SLC24A3: variants seen among roughly 807,000 people sequenced by gnomAD.
The protein encoded by SLC24A3 is sodium/potassium/calcium exchanger 3.
In SLC24A3, 28 loss-of-function variants were observed where a neutral mutation model predicts 75.8. That is an observed-to-expected ratio of 0.37 (90% CI 0.27 to 0.51). The LOEUF is 0.51. SLC24A3 is among the 20% of genes least tolerant of loss of function. SLC24A3 has a pLI of 0.94. For missense variants in SLC24A3, 663 were observed against 847.8 expected, an observed-to-expected ratio of 0.78 and a Z score of 2.71; for synonymous variants, 372 against 334.1, an observed-to-expected ratio of 1.11 and a Z score of -1.24.
At chr20:19,659,267 C>T (rs1310380203) in intron 7 of SLC24A3, among the ~76,000 whole-genome samples, 1 of 152,218 alleles carries the variant, frequency 6.6e-6, no homozygotes, top group Non-Finnish European at 1.5e-5. Context: ...GGTTCCTTTA[C>T]ACCAACACGT....
At chr20:19,387,614 A>T (rs920676465) in intron 2 of SLC24A3, among the ~76,000 whole-genome samples, 1 of 152,136 alleles carries the variant, frequency 6.6e-6, no homozygotes, top group Non-Finnish European at 1.5e-5. Context: ...TTAATTCCAC[A>T]TATTTGTGAA....
chr20:19,415,203 G>A (rs989913170), intron 2 of SLC24A3, among the ~76,000 whole-genome samples: 8 of 152,146 alleles, frequency 5.3e-5, no homozygotes, highest in Non-Finnish European at 8.8e-5. Flanking sequence ...GAGTGGACAC[G>A]CTTGTGGATA....
chr20:19,604,362 C>T (rs1326916183), intron 6 of SLC24A3, among the ~76,000 whole-genome samples: 1 of 152,092 alleles, frequency 6.6e-6, no homozygotes, highest in Non-Finnish European at 1.5e-5. Flanking sequence ...CTAGAACATT[C>T]CAGGAAGAGT....
intron 1 of SLC24A3, among the ~76,000 whole-genome samples, chr20:19,231,074 A>C (rs934215707): frequency 9.2e-5 from 14 of 152,202 alleles, no homozygotes; most frequent in African/African-American, 3.1e-4. Flanking sequence ...ACCATGGATT[A>C]GGTATTATTA....
At chr20:19,604,235 A>G (rs887343978) in intron 6 of SLC24A3, among the ~76,000 whole-genome samples, 2 of 151,662 alleles carry the variant, frequency 1.3e-5, no homozygotes, top group East Asian at 3.9e-4. Context: ...GTCAGGGCCT[A>G]GTGGGAGTGA....
chr20:19,612,509 A>T (rs1364871839), intron 6 of SLC24A3, among the ~76,000 whole-genome samples: 1 of 152,186 alleles, frequency 6.6e-6, no homozygotes, highest in Non-Finnish European at 1.5e-5. Context: ...ACATGTATCA[A>T]ATATCACTCT....
intron 3 of SLC24A3, among the ~76,000 whole-genome samples, chr20:19,522,718 G>A (rs376280481): frequency 1.8e-4 from 28 of 151,980 alleles, no homozygotes; most frequent in South Asian, 1.0e-3. Flanking sequence ...ACGGGGTGGC[G>A]CAGGAGGCCT....
At chr20:19,713,971 G>A (rs961035207) in intron 15 of SLC24A3, among the ~76,000 whole-genome samples, 2 of 152,158 alleles carry the variant, frequency 1.3e-5, no homozygotes, top group Admixed American at 6.5e-5. Context: ...TTCTACAAGG[G>A]GCCAGAGAGG....
At chr20:19,643,484 T>A (rs1030278438) in intron 6 of SLC24A3, among the ~76,000 whole-genome samples, 3 of 152,228 alleles carry the variant, frequency 2.0e-5, no homozygotes, top group African/African-American at 7.2e-5. Flanking sequence ...TCTTCTGTCT[T>A]TCTATCCTCT....
intron 13 of SLC24A3, 75 bp downstream of exon 13, chr20:19,693,500 C>T: frequency 3.9e-6 from 6 of 1,543,338 alleles, no homozygotes; most frequent in Non-Finnish European, 5.3e-6. Flanking sequence ...GTCAGGGTTT[C>T]AGCCGATAAC....
At position 19,721,898 on chromosome 20, in the gene SLC24A3, T is replaced by G. The variant is rs981333959; in HGVS notation, c.*758T>G. 2 of 152,414 alleles carry G rather than the reference T, an allele frequency of 1.3e-5. No individual in the cohort carries two copies. Among genetic ancestry groups the G allele is most frequent in the African/African-American group, 4.8e-5 (2 of 41,350 alleles). The allele number at this position is 152,414 out of a possible 1,614,324, so 9.4% of individuals were successfully genotyped here. Reference sequence around the variant, plus strand: ...AAGTCTTATGGGCGTCCCCTGGGGTTGGGGGGGCACAAGGTTTTGGAGGAA... The same window carrying G: ...AAGTCTTATGGGCGTCCCCTGGGGTGGGGGGGGCACAAGGTTTTGGAGGAA... On this transcript the variant is annotated 3_prime_UTR_variant, in exon 17 of 17. Coordinates refer to ENST00000328041, the MANE Select transcript of SLC24A3 (RefSeq NM_020689.4).
At chr20:19,251,168 A>G (rs1370948618) in intron 1 of SLC24A3, among the ~76,000 whole-genome samples, 1 of 152,140 alleles carries the variant, frequency 6.6e-6, no homozygotes, top group Non-Finnish European at 1.5e-5. Context: ...CACCCTCTAA[A>G]TGGAAGATAA....
intron 2 of SLC24A3, among the ~76,000 whole-genome samples, chr20:19,394,579 T>G (rs567092157): frequency 6.6e-6 from 1 of 152,214 alleles, no homozygotes; most frequent in South Asian, 2.1e-4. Flanking sequence ...TCAAAAAAGA[T>G]GTACAAGTGG....
chr20:19,540,340 G>A (rs1050296057), intron 3 of SLC24A3, among the ~76,000 whole-genome samples: 1 of 152,120 alleles, frequency 6.6e-6, no homozygotes, highest in African/African-American at 2.4e-5. Flanking sequence ...AACAAGGAAC[G>A]CAGGGAGTGG....
chr20:19,227,745 AC>A (rs1279450025), intron 1 of SLC24A3, among the ~76,000 whole-genome samples: 2 of 152,152 alleles, frequency 1.3e-5, no homozygotes, highest in African/African-American at 4.8e-5. Flanking sequence ...TGTTATATTT[AC>A]TCATTAATTA....
rs563512036 is a variant in SLC24A3, at chr20:19,473,056, G to A, written c.272-42432G>A. Among the ~76,000 whole-genome samples the A allele has an allele frequency of 5.9e-5, 9 of 152,290 alleles. No individual in the cohort carries two copies. The South Asian group carries it at 8.3e-4, about 14-fold the overall frequency. ...AGGCTGGATCAGACATACAGAGGCC[G>A]CTATGCATCTGATACCAGAGTTAGT... On this transcript the variant is annotated intron_variant, in intron 2 of 16. Transcript: ENST00000328041.
intron 2 of SLC24A3, among the ~76,000 whole-genome samples, chr20:19,357,734 T>G (rs1985714990): frequency 6.6e-6 from 1 of 152,220 alleles, no homozygotes; most frequent in South Asian, 2.1e-4. Context: ...TCTCCTGCTG[T>G]GTTGGGGCAT....
chr20:19,401,480 T>C (rs1986551608), intron 2 of SLC24A3, among the ~76,000 whole-genome samples: 1 of 152,218 alleles, frequency 6.6e-6, no homozygotes, highest in African/African-American at 2.4e-5. Context: ...CAACAAATGT[T>C]TCCAGAACTT....
intron 2 of SLC24A3, among the ~76,000 whole-genome samples, chr20:19,482,273 T>C (rs971739320): frequency 6.6e-6 from 1 of 152,124 alleles, no homozygotes; most frequent in African/African-American, 2.4e-5. Context: ...CGTCATTCCT[T>C]ATTCTCTTTC....
Sources: gnomAD v4.1 joint callset for allele counts (sites outside exome capture counted in the v4.1 genomes callset) on GRCh38, gnomAD v4.1.1 for gene constraint, MANE v1.5 for transcripts, NCBI Gene and HGNC (gene_info 2026-07-23, HGNC 2026-07-21) for gene names.